ALDH1L1: variants seen among roughly 807,000 people sequenced by gnomAD.
ALDH1L1 encodes the protein aldehyde dehydrogenase 1 family member L1.
Under a neutral mutation model 101.1 loss-of-function variants are expected in ALDH1L1, and 68 were observed. That is an observed-to-expected ratio of 0.67 (90% CI 0.55 to 0.82). ALDH1L1 has a LOEUF of 0.82. Among genes scored for constraint, ALDH1L1 ranks in the 40% least tolerant of loss-of-function variants. ALDH1L1 has a pLI of 0.00. For missense variants in ALDH1L1, 1,087 were observed against 1,172.7 expected (o/e 0.93, Z 1.07); for synonymous variants, 486 against 470.8 (o/e 1.03, Z -0.42).
chr3:126,135,389 T>C (rs2080410851), intron 12 of ALDH1L1, 146 bp downstream of exon 12: 1 of 1,086,206 alleles, frequency 9.2e-7, no homozygotes, highest in Non-Finnish European at 1.3e-6. Flanking sequence ...AGCCCCAGCC[T>C]GGCCCATCTG....
In ALDH1L1 at chr3:126,158,466, C is replaced by A; in HGVS notation, c.301G>T (p.Gly101Cys). ...PMEIISAPRH[G>C]SIIYHPSLLP... is the part of the protein sequence containing the mutation. ...AGTGACGGGTGATAGATGATGGAGCCATGCCGGGGGGCACTGATTATCTCC... is the reference window on the plus strand; with the variant it reads ...AGTGACGGGTGATAGATGATGGAGCAATGCCGGGGGGCACTGATTATCTCC... The change falls in exon 3 of 23, where the codon GGC becomes TGC. Residue 101 changes from glycine (G) to cysteine (C), a missense_variant. Gly to Cys is a radical substitution (Grantham distance 159, BLOSUM62 -3). Coordinates refer to ENST00000393434, the MANE Select transcript of ALDH1L1 (RefSeq NM_012190.4). The A allele has an allele frequency of 6.2e-7, 1 of 1,613,686 alleles. No individual in the cohort carries two copies. The highest frequency in any genetic ancestry group is 1.1e-5 in the South Asian group (1 of 90,962).
At chr3:126,140,022 C>T (rs74564178) in intron 9 of ALDH1L1, among the ~76,000 whole-genome samples, 2,724 of 152,138 alleles carry the variant, frequency 0.018, 35 homozygotes, top group Non-Finnish European at 0.026. Context: ...AGTTCCCAAA[C>T]ATGAGGAAAG....
At chr3:126,183,597 G>T (rs968097472), upstream of ALDH1L1, among the ~76,000 whole-genome samples, 3 of 152,202 alleles carry the variant, frequency 2.0e-5, no homozygotes, top group African/African-American at 7.2e-5. Flanking sequence ...CGCCCAGGAA[G>T]ATTTTAGAAT....
chr3:126,109,191 G>T (rs375383497), intron 20 of ALDH1L1, among the ~76,000 whole-genome samples: 3 of 152,288 alleles, frequency 2.0e-5, no homozygotes, highest in African/African-American at 7.2e-5. Context: ...TCTGTGCAAG[G>T]CCCGGTCTAG....
intron 2 of ALDH1L1, chr3:126,159,534 C>T: frequency 2.2e-6 from 1 of 456,712 alleles, no homozygotes; most frequent in Non-Finnish European, 4.4e-6. Flanking sequence ...GCTCTCCTCT[C>T]CGGTCTCCTC....
rs1166701038 is a variant in ALDH1L1, at chr3:126,150,430, C to T, written c.960G>A (p.Glu320=). ...ASSVLELTEA[E]LVTAEAVRSV... ...CCCGCACAGCCTCCGCAGTAACCAGCTCTGCCTCTGTCAGCTCAAGGACAC... is the reference window on the plus strand; with the variant it reads ...CCCGCACAGCCTCCGCAGTAACCAGTTCTGCCTCTGTCAGCTCAAGGACAC... Residue 320 remains glutamate, a synonymous_variant, in exon 8 of 23, where the codon GAG becomes GAA. Coordinates refer to ENST00000393434, the MANE Select transcript of ALDH1L1 (RefSeq NM_012190.4). The T allele has an allele frequency of 1.3e-6, 2 of 1,551,584 alleles. No homozygotes were observed.
chr3:126,116,831 G>T (rs984813164), intron 17 of ALDH1L1, among the ~76,000 whole-genome samples: 1 of 152,114 alleles, frequency 6.6e-6, no homozygotes, highest in Non-Finnish European at 1.5e-5. Context: ...GGAACTGGTG[G>T]GGGACCCAAG....
chr3:126,139,007 C>CA (rs2080511554), intron 9 of ALDH1L1, among the ~76,000 whole-genome samples: 3 of 152,216 alleles, frequency 2.0e-5, no homozygotes, highest in Admixed American at 2.0e-4. Context: ...TGTCACCCCC[C>CA]ACCTCCCACC....
chr3:126,186,150 T>G (rs2081516665), upstream of ALDH1L1, among the ~76,000 whole-genome samples: 1 of 152,222 alleles, frequency 6.6e-6, no homozygotes, highest in South Asian at 2.1e-4. Context: ...CATAGCACTG[T>G]GCACTAAAGA....
At chr3:126,135,696 C>A (rs2080424180) in intron 11 of ALDH1L1, 34 bp from the exon 12 acceptor site, 1 of 1,484,062 alleles carries the variant, frequency 6.7e-7, no homozygotes, top group Middle Eastern at 1.8e-4. Context: ...CAAGTTCTCC[C>A]TAAGCCAGTT....
intron 14 of ALDH1L1, among the ~76,000 whole-genome samples, chr3:126,127,225 G>T (rs2080206382): frequency 6.6e-6 from 1 of 152,176 alleles, no homozygotes; most frequent in Admixed American, 6.5e-5. Context: ...AGCTGGCCCT[G>T]GCACGGGGTC....
chr3:126,116,879 C>T lies in ALDH1L1; in HGVS notation c.1982+1126G>A, dbSNP rs1206299092. Among the ~76,000 whole-genome samples the T allele has an allele frequency of 2.6e-5, 4 of 152,050 alleles. No individual in the cohort carries two copies. In the East Asian group the frequency reaches 7.7e-4, roughly 29 times the overall value. On this transcript the variant is annotated intron_variant, in intron 17 of 22. Coordinates refer to ENST00000393434, the MANE Select transcript of ALDH1L1 (RefSeq NM_012190.4). ...CCCAGGTCATATTGTGGTTTAGTGA[C>T]AGAGTCTGGGAGATGACACCAGTCA...
At chr3:126,159,440 AC>A (rs1253678175) in intron 2 of ALDH1L1, 3 of 456,004 alleles carry the variant, frequency 6.6e-6, no homozygotes, top group Non-Finnish European at 1.3e-5. Context: ...TCTGCCTTCC[AC>A]TCTTCAATAC....
At chr3:126,169,186 C>T (rs1031014208) in intron 1 of ALDH1L1, among the ~76,000 whole-genome samples, 4 of 152,156 alleles carry the variant, frequency 2.6e-5, no homozygotes, top group Non-Finnish European at 5.9e-5. Context: ...CCTTAGAATG[C>T]TGCTAATCTT....
intron 20 of ALDH1L1, among the ~76,000 whole-genome samples, chr3:126,109,037 G>A (rs542358191): frequency 6.6e-6 from 1 of 152,330 alleles, no homozygotes. Flanking sequence ...AAGGGTCAGG[G>A]AGGCAGAGGA....
intron 1 of ALDH1L1, among the ~76,000 whole-genome samples, chr3:126,177,467 T>C (rs1277954492): frequency 6.6e-6 from 1 of 152,072 alleles, no homozygotes; most frequent in East Asian, 1.9e-4. Context: ...AAAGGCTATA[T>C]ACCATATGAT....
chr3:126,112,221 C>T (rs1054371750), intron 19 of ALDH1L1, among the ~76,000 whole-genome samples: 13 of 152,226 alleles, frequency 8.5e-5, no homozygotes, highest in Admixed American at 6.5e-5. Context: ...CCCACCAGAT[C>T]CCCGAGGCCA....
chr3:126,132,904 A>T (rs148430156), intron 12 of ALDH1L1, among the ~76,000 whole-genome samples: 1 of 152,232 alleles, frequency 6.6e-6, no homozygotes, highest in Non-Finnish European at 1.5e-5. Context: ...CACTCAGCTC[A>T]GGTTTGCTGC....
rs1327754801 is a variant in ALDH1L1, at chr3:126,136,856, C to G, written c.1252G>C (p.Val418Leu). 1 of 1,613,002 alleles carries G rather than the reference C, an allele frequency of 6.2e-7. No individual in the cohort carries two copies. The highest frequency in any genetic ancestry group is 8.5e-7 in the Non-Finnish European group (1 of 1,179,656). ...ATGAAGAGCTGGTGGGGCATGCGGA[C>G]AGTGCGCTTGTTCACTGCCATTTCC... ...YVEMAVNKRT[V>L]RMPHQLFIGG... Residue 418 changes from valine (V) to leucine (L), a missense_variant, in exon 11 of 23, where the codon GTC becomes CTC. This residue lies in a region of ALDH1L1 where 645 missense variants were observed against 637.0 expected (regional missense o/e 1.01). Transcript: ENST00000393434.
Sources: allele counts gnomAD v4.1 joint callset (sites outside exome capture counted in the v4.1 genomes callset), GRCh38; gene constraint gnomAD v4.1.1; regional missense constraint gnomAD v4.1.1; transcripts MANE v1.5; gene names NCBI Gene and HGNC (gene_info 2026-07-23, HGNC 2026-07-21).